Variants in LARGE1 observed in about 807,000 individuals in gnomAD.
The protein encoded by LARGE1 is xylosyl- and glucuronyltransferase LARGE1.
In LARGE1, 43 loss-of-function variants were observed where a neutral mutation model predicts 87.6. The observed-to-expected ratio is 0.49, with a 90% CI of 0.38 to 0.63. The LOEUF (loss-of-function observed/expected upper bound fraction) is 0.63, where lower values mean the gene tolerates loss of function less well. Among genes scored for constraint, LARGE1 ranks in the 30% least tolerant of loss-of-function variants. The probability of loss-of-function intolerance (pLI) is 0.00; values close to 1 mark genes in which losing one functional copy is unlikely to be tolerated. For synonymous variants in LARGE1, 434 were observed against 394.6 expected, an observed-to-expected ratio of 1.10 and a Z score of -1.18; for missense variants, 802 against 1,000.2, an observed-to-expected ratio of 0.80 and a Z score of 2.67.
At position 33,797,542 on chromosome 22, in the gene LARGE1, G is replaced by A. The variant is rs115861496; in HGVS notation, c.-82-35984C>T. 5.3e-3 allele frequency among the ~76,000 whole-genome samples: 800 copies of A among 152,334 alleles called. 6 individuals carry two copies. The highest frequency in any genetic ancestry group is 0.018 in the African/African-American group (761 of 41,582). ...TACTCCAATGATGGAGGAGCCAACGGTGGTTGGAGGCAGAGGAGAAGCACA... is the reference window on the plus strand; with the variant it reads ...TACTCCAATGATGGAGGAGCCAACGATGGTTGGAGGCAGAGGAGAAGCACA... On this transcript the variant is annotated intron_variant, in intron 1 of 14. Coordinates refer to ENST00000397394, the MANE Select transcript of LARGE1 (RefSeq NM_133642.5).
rs545290716 is a variant in LARGE1 at position 33,795,859 on chromosome 22, G to A, written c.-82-34301C>T. On this transcript the variant is annotated intron_variant, in intron 1 of 14. Coordinates refer to ENST00000397394, the MANE Select transcript of LARGE1 (RefSeq NM_133642.5). ...CACTGGGGTCTGTCGTGGGGTGGGGGGAGGTGGGAGAGATAGCATTAGGAG... is the reference window on the plus strand; with the variant it reads ...CACTGGGGTCTGTCGTGGGGTGGGGAGAGGTGGGAGAGATAGCATTAGGAG... 2.2e-4 allele frequency among the ~76,000 whole-genome samples: 33 copies of A among 152,152 alleles called. No homozygotes were observed. In the South Asian group the frequency reaches 6.6e-3, roughly 31 times the overall value.
Position 33,382,061 on chromosome 22 carries a change from A to G in LARGE1, c.1006-17T>C, listed in dbSNP as rs781547338. On this transcript the variant is annotated splice_polypyrimidine_tract_variant and intron_variant, in intron 8 of 14. Transcript: ENST00000397394. The stretch of plus-strand genomic sequence containing the variant: ...GAAAATATCCTGGGGGATGAAAGCC[A>G]AAGACACAGTCAAGACAGTCGGATG... The G allele has an allele frequency of 6.2e-7, 1 of 1,613,996 alleles. No homozygotes were observed. The highest frequency in any genetic ancestry group is 1.1e-5 in the South Asian group (1 of 91,072).
chr22:33,606,657 G>A (rs1484768980), intron 4 of LARGE1, among the ~76,000 whole-genome samples: 1 of 151,992 alleles, frequency 6.6e-6, no homozygotes, highest in Non-Finnish European at 1.5e-5. Context: ...TCCCGCAGTT[G>A]CTCATTCAAT....
intron 1 of LARGE1, among the ~76,000 whole-genome samples, chr22:33,918,602 G>T (rs192886987): frequency 5.9e-4 from 90 of 152,282 alleles, no homozygotes; most frequent in African/African-American, 2.0e-3. Context: ...AGGACCAAGC[G>T]TGCCAGTGAG....
chr22:33,170,472 T>A (rs1169023794), intron 11 of LARGE1, among the ~76,000 whole-genome samples: 1 of 152,150 alleles, frequency 6.6e-6, no homozygotes, highest in African/African-American at 2.4e-5. Context: ...GGAATTGTAA[T>A]CCCCATGTGT....
intron 7 of LARGE1, among the ~76,000 whole-genome samples, chr22:33,421,343 T>C (rs1039203938): frequency 6.6e-6 from 1 of 152,218 alleles, no homozygotes; most frequent in Non-Finnish European, 1.5e-5. Context: ...AAGGCATCTG[T>C]GTGAAATATG....
intron 11 of LARGE1, among the ~76,000 whole-genome samples, chr22:33,311,551 C>G (rs1935591529): frequency 6.6e-6 from 1 of 152,136 alleles, no homozygotes; most frequent in Non-Finnish European, 1.5e-5. Flanking sequence ...TTTTGTAGAA[C>G]CCAGACAATA....
rs562053354 is a variant in LARGE1 at position 33,673,830 on chromosome 22, C to T, written c.107-23162G>A. On this transcript the variant is annotated intron_variant, in intron 2 of 14. Transcript: ENST00000397394. ...TCCTGCCTCAGCCTCCTGGGTTACA[C>T]GACCACGCCCAGCTAATTTTGTGTG... 1.4e-4 allele frequency among the ~76,000 whole-genome samples: 10 copies of T among 73,882 alleles called. No individual in the cohort carries two copies. In the South Asian group the frequency reaches 2.5e-3, roughly 19 times the overall value. 48.5% of individuals were successfully genotyped at this position (73,882 alleles called of 152,430 possible). A position where few individuals can be genotyped will look rare whatever the true frequency, so the allele number is the denominator to read the frequency against.
intron 6 of LARGE1, among the ~76,000 whole-genome samples, chr22:33,541,014 T>G (rs2077177236): frequency 7.7e-6 from 1 of 130,170 alleles, no homozygotes; most frequent in Admixed American, 8.6e-5. Flanking sequence ...GGTGCACACC[T>G]GTAGTTACAG....
Position 33,761,432 on chromosome 22 carries a change from C to G in LARGE1, c.45G>C (p.Ser15=), listed in dbSNP as rs752560976. The G allele has an allele frequency of 1.9e-6, 3 of 1,613,894 alleles. No individual in the cohort carries two copies. Among genetic ancestry groups the G allele is most frequent in the Admixed American group, 1.7e-5 (1 of 59,986 alleles). The part of the protein sequence containing the change: ...CRGRRKFLAA[S]LSLLCIPAIT... ...TGGCTGGGATGCAGAGAAGACTCAA[C>G]GAGGCAGCCAAGAATTTCCGTCTCC... is the stretch of plus-strand genomic sequence containing the variant. Residue 15 remains serine (S), a synonymous_variant, in exon 2 of 15, where the codon TCG becomes TCC. Transcript: ENST00000397394.
intron 3 of LARGE1, among the ~76,000 whole-genome samples, chr22:33,632,523 A>G (rs533564298): frequency 1.4e-5 from 2 of 140,860 alleles, no homozygotes; most frequent in South Asian, 2.4e-4. Flanking sequence ...CTCAGAGGTC[A>G]GATTTCCCCG....
intron 11 of LARGE1, among the ~76,000 whole-genome samples, chr22:33,265,868 G>C (rs1303041264): frequency 6.6e-6 from 1 of 152,060 alleles, no homozygotes; most frequent in Admixed American, 6.6e-5. Context: ...ATCACAAGGG[G>C]GTTCGTTAGA....
At chr22:33,838,348 T>C (rs1315598331) in intron 1 of LARGE1, among the ~76,000 whole-genome samples, 1 of 152,174 alleles carries the variant, frequency 6.6e-6, no homozygotes, top group Non-Finnish European at 1.5e-5. Context: ...AAATGTGTTT[T>C]AAAAAATTGG....
chr22:33,658,325 C>T (rs1438040593), intron 2 of LARGE1, among the ~76,000 whole-genome samples: 4 of 152,132 alleles, frequency 2.6e-5, no homozygotes, highest in African/African-American at 4.8e-5. Context: ...ATGTGCAGGA[C>T]ATGCAGGTTT....
intron 2 of LARGE1, among the ~76,000 whole-genome samples, chr22:33,747,461 TC>T (rs2084131764): frequency 6.6e-6 from 1 of 152,064 alleles, no homozygotes; most frequent in Non-Finnish European, 1.5e-5. Context: ...CTCTTTTCCT[TC>T]CCCTCACCAC....
intron 6 of LARGE1, among the ~76,000 whole-genome samples, chr22:33,516,188 G>A (rs930794152): frequency 1.3e-5 from 2 of 152,136 alleles, no homozygotes; most frequent in Non-Finnish European, 2.9e-5. Flanking sequence ...ATGAAGGAGC[G>A]AGGGCTAGGG....
At chr22:33,451,341 CA>C (rs2067911033) in intron 6 of LARGE1, among the ~76,000 whole-genome samples, 1 of 146,192 alleles carries the variant, frequency 6.8e-6, no homozygotes, top group Non-Finnish European at 1.5e-5. Context: ...GCTCAGCTGC[CA>C]AAAAAATTCT....
At chr22:33,492,915 C>T (rs2069919048) in intron 6 of LARGE1, among the ~76,000 whole-genome samples, 1 of 152,090 alleles carries the variant, frequency 6.6e-6, no homozygotes, top group African/African-American at 2.4e-5. Context: ...GGCGGGTGGG[C>T]AATGCGCACC....
chr22:33,125,638 A>G, the LARGE1 span, among the ~76,000 whole-genome samples: 1 of 151,886 alleles, frequency 6.6e-6, no homozygotes, highest in Non-Finnish European at 1.5e-5. Context: ...ATAGAGATGG[A>G]GTTTCACCAT....
Sources: gnomAD v4.1 joint callset for allele counts (sites outside exome capture counted in the v4.1 genomes callset) on GRCh38, gnomAD v4.1.1 for gene constraint, MANE v1.5 for transcripts, NCBI Gene and HGNC (gene_info 2026-07-23, HGNC 2026-07-21) for gene names.